The following SEPSECS variants were observed in gnomAD, a reference collection of about 807,000 sequenced individuals.
SEPSECS encodes the protein Sep (O-phosphoserine) tRNA:Sec (selenocysteine) tRNA synthase, also known as O-phosphoseryl-tRNA(Sec) selenium transferase.
A neutral mutation model predicts 52.1 loss-of-function variants in SEPSECS; 42 were observed. That is an observed-to-expected ratio of 0.81 (90% CI 0.63 to 1.04). The LOEUF is 1.04. SEPSECS is among the 50% of genes least tolerant of loss of function. The pLI is 0.00. For synonymous variants in SEPSECS, 216 were observed against 211.4 expected (o/e 1.02, Z -0.19); for missense variants, 590 against 610.6 (o/e 0.97, Z 0.36).
In SEPSECS at chr4:25,144,951, A is replaced by G. The variant is rs1711869038; in HGVS notation, c.934+53T>C. The G allele has an allele frequency of 1.9e-6, 3 of 1,608,874 alleles. No individual in the cohort carries two copies. In the East Asian group the frequency reaches 6.7e-5, roughly 36 times the overall value. ...GATTTACTACAATAGCCTATGTACA[A>G]ATGGATTTTTGTTTGTTAGCTACTT... On this transcript the variant is annotated intron_variant, in intron 7 of 10. Transcript: ENST00000382103.
rs534116237 is a variant in SEPSECS, at chr4:25,142,148, G to A, written c.1026+2626C>T. Among the ~76,000 whole-genome samples the A allele has an allele frequency of 5.9e-5, 9 of 152,216 alleles. No individual in the cohort carries two copies. In the East Asian group the frequency reaches 1.7e-3, roughly 29 times the overall value. ...AAAAAATAGCCAGGCATGGTGATGT[G>A]TGCCTGTAATCCCAGCTACTCAGGA... On this transcript the variant is annotated intron_variant, in intron 8 of 10. Coordinates refer to ENST00000382103, the MANE Select transcript of SEPSECS (RefSeq NM_016955.4).
rs184807904 is a variant in SEPSECS, at chr4:25,149,232, T to A, written c.804+2728A>T. Among the ~76,000 whole-genome samples the A allele has an allele frequency of 9.2e-5, 14 of 152,082 alleles. No homozygotes were observed. In the East Asian group the frequency reaches 1.4e-3, roughly 15 times the overall value. ...ACCACCACACCCAGAGAATTTTTTT[T>A]TAAATTTTAGTTTTGTAGAGATGGA... On this transcript the variant is annotated intron_variant, in intron 6 of 10. Coordinates refer to ENST00000382103, the MANE Select transcript of SEPSECS (RefSeq NM_016955.4).
At chr4:25,131,562 A>G (rs1049403539) in intron 8 of SEPSECS, among the ~76,000 whole-genome samples, 19 of 152,210 alleles carry the variant, frequency 1.2e-4, no homozygotes, top group Admixed American at 1.0e-3. Flanking sequence ...CTCAGAGGCT[A>G]CACCCATCTG....
At chr4:25,148,432 A>G (rs1032977317) in intron 6 of SEPSECS, among the ~76,000 whole-genome samples, 6 of 151,920 alleles carry the variant, frequency 3.9e-5, no homozygotes, top group Admixed American at 3.3e-4. Flanking sequence ...TATATTAACA[A>G]TAAGGACTAT....
intron 8 of SEPSECS, among the ~76,000 whole-genome samples, chr4:25,137,784 T>G (rs897900859): frequency 6.6e-6 from 1 of 152,186 alleles, no homozygotes; most frequent in African/African-American, 2.4e-5. Flanking sequence ...AATGCAGCAC[T>G]ATTCACAACA....
At chr4:25,127,232 T>C in intron 9 of SEPSECS, 32 bp downstream of exon 9, 2 of 1,370,526 alleles carry the variant, frequency 1.5e-6, no homozygotes, top group Non-Finnish European at 1.0e-6. Context: ...GGATCATAAG[T>C]ATTTGTTTTT....
Position 25,151,991 on chromosome 4 carries a change from T to C in SEPSECS, c.773A>G (p.Gln258Arg), listed in dbSNP as rs369165895. 6 of 1,597,974 alleles carry C rather than the reference T, an allele frequency of 3.8e-6. No homozygotes were observed. The highest frequency in any genetic ancestry group is 5.1e-6 in the Non-Finnish European group (6 of 1,165,610). ...AATGAGATGCATACACTTTGAAGAC[T>C]GCACTCCATAAGCATTATTAACTAT... ...PHIVNNAYGVQSSKCMHLIQQ... is the reference protein window; with the variant it reads ...PHIVNNAYGVRSSKCMHLIQQ... The change falls in exon 6 of 11, where the codon CAG (glutamine) becomes CGG (arginine). Residue 258 changes from glutamine to arginine, a missense_variant. Physicochemically the swap from Gln to Arg is conservative, Grantham distance 43 (BLOSUM62 1). Coordinates refer to ENST00000382103, the MANE Select transcript of SEPSECS (RefSeq NM_016955.4).
At chr4:25,125,930 G>T in intron 9 of SEPSECS, 146 bp from the exon 10 acceptor site, 1 of 665,876 alleles carries the variant, frequency 1.5e-6, no homozygotes, top group Non-Finnish European at 2.7e-6. Context: ...TAAATCTTAG[G>T]GATTTGTTTA....
At chr4:25,149,451 A>G (rs1226092982) in intron 6 of SEPSECS, among the ~76,000 whole-genome samples, 1 of 152,214 alleles carries the variant, frequency 6.6e-6, no homozygotes, top group African/African-American at 2.4e-5. Context: ...TCATTATGAA[A>G]ACTTTATAGC....
intron 5 of SEPSECS, among the ~76,000 whole-genome samples, chr4:25,154,763 G>A (rs1194206015): frequency 1.3e-5 from 2 of 152,056 alleles, no homozygotes; most frequent in Admixed American, 6.6e-5. Flanking sequence ...GGTCTGCATC[G>A]ACTCAGGTGA....
At chr4:25,159,265 G>A (rs1320427194) in intron 1 of SEPSECS, among the ~76,000 whole-genome samples, 158 bp from the exon 2 acceptor site, 2 of 152,162 alleles carry the variant, frequency 1.3e-5, no homozygotes, top group Admixed American at 1.3e-4. Context: ...ACCGCAAAGA[G>A]GCAAAACGTT....
intron 5 of SEPSECS, among the ~76,000 whole-genome samples, chr4:25,152,573 T>C (rs1445361188): frequency 3.9e-5 from 6 of 151,988 alleles, no homozygotes; most frequent in African/African-American, 1.4e-4. Context: ...AAATGTGTCA[T>C]TACCAAAATA....
chr4:25,140,151 C>G (rs1729002239), intron 8 of SEPSECS, among the ~76,000 whole-genome samples: 1 of 152,170 alleles, frequency 6.6e-6, no homozygotes, highest in Non-Finnish European at 1.5e-5. Context: ...TCTCCACATG[C>G]CTGTGAACCA....
intron 2 of SEPSECS, among the ~76,000 whole-genome samples, chr4:25,158,017 C>G (rs528499454): frequency 1.8e-4 from 28 of 152,234 alleles, no homozygotes; most frequent in African/African-American, 5.1e-4. Context: ...TCTCAATACT[C>G]TTTAAAATAA....
chr4:25,150,012 G>C (rs1375773408), intron 6 of SEPSECS, among the ~76,000 whole-genome samples: 2 of 152,170 alleles, frequency 1.3e-5, no homozygotes, highest in Non-Finnish European at 2.9e-5. Context: ...AACTTGAGTT[G>C]GGTGCCTGTT....
In SEPSECS at chr4:25,155,003, A is replaced by G. The variant is rs1053827490; in HGVS notation, c.696T>C (p.Pro232=). ...STTSCFAPRV[P]DRLEELAVIC... ...AATATTCACAAATCATTTACCTATC[A>G]GGCACCCTTGGAGCAAAACAGGATG... Residue 232 remains proline (P), a synonymous_variant, in exon 5 of 11, where the codon CCT becomes CCC. Coordinates refer to ENST00000382103, the MANE Select transcript of SEPSECS (RefSeq NM_016955.4). The G allele has an allele frequency of 6.2e-7, 1 of 1,614,092 alleles. No homozygotes were observed.
chr4:25,141,479 AGC>A (rs1258455333), intron 8 of SEPSECS, among the ~76,000 whole-genome samples: 1 of 152,164 alleles, frequency 6.6e-6, no homozygotes, highest in Non-Finnish European at 1.5e-5. Flanking sequence ...CAAAACCTAC[AGC>A]TTCCCCATCA....
chr4:25,131,655 A>G (rs1485317521), intron 8 of SEPSECS, among the ~76,000 whole-genome samples: 1 of 152,218 alleles, frequency 6.6e-6, no homozygotes, highest in Non-Finnish European at 1.5e-5. Flanking sequence ...ACAGGGCTGC[A>G]AATCTAGTAG....
At chr4:25,134,320 A>ATGTGTGTGTGTGTGTG (rs3066762) in intron 8 of SEPSECS, among the ~76,000 whole-genome samples, 22 of 145,104 alleles carry the variant, frequency 1.5e-4, no homozygotes, top group Admixed American at 9.8e-4. Context: ...ATCTTTAAAA[A>ATGTGTGTGTGTGTGTG]TGTGTGTGTG....
Sources: gnomAD v4.1 joint callset for allele counts (sites outside exome capture counted in the v4.1 genomes callset) on GRCh38, gnomAD v4.1.1 for gene constraint, MANE v1.5 for transcripts, NCBI Gene and HGNC (gene_info 2026-07-23, HGNC 2026-07-21) for gene names.